Variants in NUDT3 observed in about 807,000 individuals in gnomAD.
The protein encoded by NUDT3 is nudix hydrolase 3.
Under a neutral mutation model 23.6 loss-of-function variants are expected in NUDT3, and 9 were observed. The observed-to-expected ratio is 0.38, with a 90% CI of 0.23 to 0.66. The LOEUF is 0.66. Ranked by LOEUF, NUDT3 falls within the 30% of genes least tolerant of loss-of-function variation. The pLI, the probability that NUDT3 is intolerant of heterozygous loss-of-function variation, is 0.52. For missense variants in NUDT3, 172 were observed against 218.5 expected (o/e 0.79, Z 1.34); for synonymous variants, 86 against 82.6 (o/e 1.04, Z -0.22).
At chr6:34,329,863 T>C (rs1024469477) in intron 2 of NUDT3, among the ~76,000 whole-genome samples, 4 of 152,120 alleles carry the variant, frequency 2.6e-5, no homozygotes, top group African/African-American at 9.7e-5. Context: ...AGTGTTCTCA[T>C]TGTTCAATTC....
chr6:34,387,881 C>G (rs6912971), intron 1 of NUDT3, among the ~76,000 whole-genome samples: 100,805 of 151,886 alleles, frequency 0.66, 35,325 homozygotes, highest in Non-Finnish European at 0.8. Flanking sequence ...TTTAGTGCAA[C>G]CTAAGCTGTA....
intron 3 of NUDT3, among the ~76,000 whole-genome samples, chr6:34,293,850 G>C (rs1280276871): frequency 6.6e-6 from 1 of 152,044 alleles, no homozygotes; most frequent in Non-Finnish European, 1.5e-5. Flanking sequence ...AGACCACCAG[G>C]GAGAGGACTG....
At chr6:34,352,056 A>AT (rs1581884289) in intron 1 of NUDT3, among the ~76,000 whole-genome samples, 2 of 152,314 alleles carry the variant, frequency 1.3e-5, no homozygotes, top group East Asian at 3.9e-4. Flanking sequence ...ACAAAAAAAA[A>AT]CTTATAATTG....
intron 4 of NUDT3, among the ~76,000 whole-genome samples, chr6:34,292,165 C>T (rs1763432668): frequency 6.6e-6 from 1 of 152,204 alleles, no homozygotes; most frequent in Admixed American, 6.5e-5. Context: ...AGCTCTAGCA[C>T]ACCTGTTAGG....
At chr6:34,366,569 T>A (rs914688538) in intron 1 of NUDT3, among the ~76,000 whole-genome samples, 1 of 148,794 alleles carries the variant, frequency 6.7e-6, no homozygotes, top group African/African-American at 2.5e-5. Flanking sequence ...TACTGTTTTG[T>A]TTTTTAGAGA....
intron 1 of NUDT3, among the ~76,000 whole-genome samples, chr6:34,391,900 G>C (rs931474977): frequency 6.6e-6 from 1 of 152,144 alleles, no homozygotes; most frequent in South Asian, 2.1e-4. Context: ...TGACAACTGC[G>C]GAGCGGCCCT....
chr6:34,370,162 A>C (rs2113758912), intron 1 of NUDT3, among the ~76,000 whole-genome samples: 1 of 152,358 alleles, frequency 6.6e-6, no homozygotes, highest in South Asian at 2.1e-4. Flanking sequence ...CCTAATGGAT[A>C]GTTTCTGCTG....
chr6:34,348,480 T>G (rs1182501966), intron 1 of NUDT3, among the ~76,000 whole-genome samples: 1 of 151,662 alleles, frequency 6.6e-6, no homozygotes, highest in Non-Finnish European at 1.5e-5. Flanking sequence ...AGACCCTGTC[T>G]CAAAAAAAAG....
In NUDT3 at chr6:34,288,617, A is replaced by G. The variant is rs1763368350; in HGVS notation, c.*136T>C. ...AACACCAAACAGCAACATTATCAATACACCCTTTCTTTGCTGCCCACCATG... is the reference window on the plus strand; with the variant it reads ...AACACCAAACAGCAACATTATCAATGCACCCTTTCTTTGCTGCCCACCATG... On this transcript the variant is annotated 3_prime_UTR_variant, in exon 5 of 5. Transcript: ENST00000607016. The G allele has an allele frequency of 1.7e-6, 2 of 1,193,524 alleles. No homozygotes were observed. The allele number at this position is 1,193,524 out of a possible 1,614,324, so 73.9% of individuals were successfully genotyped here. A position where few individuals can be genotyped will look rare whatever the true frequency, so the allele number is the denominator to read the frequency against.
chr6:34,386,645 A>G (rs1398052610), intron 1 of NUDT3, among the ~76,000 whole-genome samples: 1 of 152,190 alleles, frequency 6.6e-6, no homozygotes, highest in Non-Finnish European at 1.5e-5. Flanking sequence ...TAATATAGTC[A>G]TGGACTATAT....
chr6:34,392,076 C>T (rs58648597), intron 1 of NUDT3, among the ~76,000 whole-genome samples, 188 bp downstream of exon 1: 13,360 of 152,244 alleles, frequency 0.088, 1,333 homozygotes, highest in East Asian at 0.44. Context: ...CACTCAAACC[C>T]GCTTCCCCTC....
In NUDT3 at chr6:34,281,276, T is replaced by A. The variant is rs1169759968; in HGVS notation, c.*7477A>T. 2.0e-5 allele frequency: 3 copies of A among 152,166 alleles called. No individual in the cohort carries two copies. The highest frequency in any genetic ancestry group is 4.4e-5 in the Non-Finnish European group (3 of 68,044). The allele number at this position is 152,166 out of a possible 1,614,324, so 9.4% of individuals were successfully genotyped here. The stretch of plus-strand genomic sequence containing the variant: ...GCCCATCCCTGACCATGTCATTGGA[T>A]AGGATGGAAGACAAAGTCTTTGAAA... On this transcript the variant is annotated 3_prime_UTR_variant, in exon 5 of 5. Transcript: ENST00000607016.
chr6:34,376,856 T>C (rs947830914), intron 1 of NUDT3, among the ~76,000 whole-genome samples: 1 of 151,944 alleles, frequency 6.6e-6, no homozygotes, highest in Non-Finnish European at 1.5e-5. Flanking sequence ...TACCCTTAGC[T>C]CCCAGCCAGC....
At chr6:34,321,935 T>C (rs1397619452) in intron 2 of NUDT3, among the ~76,000 whole-genome samples, 2 of 152,236 alleles carry the variant, frequency 1.3e-5, no homozygotes, top group Non-Finnish European at 2.9e-5. Context: ...TAATTTTAAT[T>C]AGTTTGTTTT....
intron 2 of NUDT3, among the ~76,000 whole-genome samples, chr6:34,318,332 A>T (rs1763891661): frequency 6.6e-6 from 1 of 152,226 alleles, no homozygotes; most frequent in Non-Finnish European, 1.5e-5. Context: ...AGATAAAGTA[A>T]AAGTTTCCAT....
At chr6:34,314,558 CAA>C (rs397933941) in intron 2 of NUDT3, among the ~76,000 whole-genome samples, 19 of 102,428 alleles carry the variant, frequency 1.9e-4, no homozygotes, top group East Asian at 5.7e-4. Context: ...GACTCTGTCT[CAA>C]AAAAAAAAAA....
At position 34,341,147 on chromosome 6, in the gene NUDT3, C is replaced by A. The variant is rs1242840838; in HGVS notation, c.210+715G>T. ...GAGTTATGAGTCCTAAATGAGATAA[C>A]AAGAAAAGCAGAGCATGGTGTCACC... On this transcript the variant is annotated intron_variant, in intron 2 of 4. Transcript: ENST00000607016. 3.9e-5 allele frequency among the ~76,000 whole-genome samples: 6 copies of A among 152,178 alleles called. No homozygotes were observed. The South Asian group carries it at 1.2e-3, about 32-fold the overall frequency.
At chr6:34,365,870 C>CTCT (rs2113755444) in intron 1 of NUDT3, among the ~76,000 whole-genome samples, 1 of 152,138 alleles carries the variant, frequency 6.6e-6, no homozygotes, top group Admixed American at 6.5e-5. Context: ...GGTGAAAGCT[C>CTCT]GTCTCTACTA....
chr6:34,279,820 G>GT lies in NUDT3; in HGVS notation c.*8932dup, dbSNP rs955659326. On this transcript the variant is annotated 3_prime_UTR_variant, in exon 5 of 5. Transcript: ENST00000607016. ...GGCAGGCTCACAGGTTTAAGCATTTGTTTTTACAAAAAGGAGTGGGATATG... is the reference window on the plus strand; with the variant it reads ...GGCAGGCTCACAGGTTTAAGCATTTGTTTTTTACAAAAAGGAGTGGGATATG... The GT allele has an allele frequency of 3.9e-5, 6 of 152,352 alleles. No homozygotes were observed. The highest frequency in any genetic ancestry group is 1.4e-4 in the African/African-American group (6 of 41,570). The allele number at this position is 152,352 out of a possible 1,614,324, so 9.4% of individuals were successfully genotyped here. A position where few individuals can be genotyped will look rare whatever the true frequency, so the allele number is the denominator to read the frequency against.
Sources: gnomAD v4.1 joint callset for allele counts (sites outside exome capture counted in the v4.1 genomes callset) on GRCh38, gnomAD v4.1.1 for gene constraint, MANE v1.5 for transcripts, NCBI Gene and HGNC (gene_info 2026-07-23, HGNC 2026-07-21) for gene names.